The following APC2 variants were observed in gnomAD, a reference collection of about 807,000 sequenced individuals.
The protein encoded by APC2 is APC regulator of Wnt signaling pathway 2.
Under a neutral mutation model 72.5 loss-of-function variants are expected in APC2, and 41 were observed. The ratio of observed to expected loss-of-function variants is 0.57; its 90% CI spans 0.44 to 0.73. The LOEUF (loss-of-function observed/expected upper bound fraction) is 0.73, where lower values mean the gene tolerates loss of function less well. APC2 is among the 30% of genes least tolerant of loss of function. The pLI, the probability that APC2 is intolerant of heterozygous loss-of-function variation, is 0.00. For synonymous variants in APC2, 1,898 were observed against 1,612.0 expected, an observed-to-expected ratio of 1.18 and a Z score of -4.25; for missense variants, 3,729 against 3,403.4, an observed-to-expected ratio of 1.10 and a Z score of -2.38.
chr19:1,470,315 G>A lies in APC2; in HGVS notation c.*102G>A, dbSNP rs1229388688. The A allele has an allele frequency of 2.2e-6, 3 of 1,389,180 alleles. No homozygotes were observed. Among genetic ancestry groups the A allele is most frequent in the African/African-American group, 1.5e-5 (1 of 66,028 alleles). The allele number at this position is 1,389,180 out of a possible 1,614,324, so 86.1% of individuals were successfully genotyped here. ...AGACGTCCCCCATAGGTCGCCCCAG[G>A]GCCTCTGCCCACCCGAGCCCCACCA... On this transcript the variant is annotated 3_prime_UTR_variant, in exon 15 of 15. Coordinates refer to ENST00000590469, the MANE Select transcript of APC2 (RefSeq NM_005883.3).
rs1227832414 is a variant in APC2, at chr19:1,455,493, G to C, written c.632G>C (p.Arg211Pro). The C allele has an allele frequency of 1.2e-6, 2 of 1,600,742 alleles. No homozygotes were observed. Among genetic ancestry groups the C allele is most frequent in the Non-Finnish European group, 1.7e-6 (2 of 1,174,042 alleles). ...GGCACCTCGGACGAGATGGTGCAGCGGGCACAGGTGCGGCGGTGGGCGGGG... is the reference window on the plus strand; with the variant it reads ...GGCACCTCGGACGAGATGGTGCAGCCGGCACAGGTGCGGCGGTGGGCGGGG... ...RFGTSDEMVQ[R>P]AQIRASRLEQ... The change falls in exon 6 of 15, where the codon CGG becomes CCG. Residue 211 changes from arginine (R) to proline (P), a missense_variant. By Grantham distance (103) the Arg-to-Pro change is moderately radical. Transcript: ENST00000590469.
Position 1,461,083 on chromosome 19 carries a change from A to C in APC2, c.1568A>C (p.Asn523Thr). 2 of 1,613,822 alleles carry C rather than the reference A, an allele frequency of 1.2e-6. No homozygotes were observed. Among genetic ancestry groups the C allele is most frequent in the Non-Finnish European group, 1.7e-6 (2 of 1,180,030 alleles). ...AACTTGTCCTGGAGGGCCGACATCAACAGCAAGAAGGTGCTGAGGGAGGCG... is the reference window on the plus strand; with the variant it reads ...AACTTGTCCTGGAGGGCCGACATCACCAGCAAGAAGGTGCTGAGGGAGGCG... ...LRNLSWRADI[N>T]SKKVLREAGS... Residue 523 changes from asparagine to threonine, a missense_variant, in exon 13 of 15, where the codon AAC (asparagine) becomes ACC (threonine). Asn to Thr is a moderately conservative substitution (Grantham distance 65). Transcript: ENST00000590469.
rs778455711 is a variant in APC2 at position 1,468,975 on chromosome 19, C to T, written c.5674C>T (p.Pro1892Ser). The T allele has an allele frequency of 8.3e-6, 13 of 1,561,224 alleles. No individual in the cohort carries two copies. The African/African-American group carries it at 1.5e-4, about 18-fold the overall frequency. The stretch of plus-strand genomic sequence containing the variant: ...CCAGCCCCTGCCCAGAAAGCGCCCC[C>T]CGGTCACCCAGGCTGCTGGGGCCCT... ...ASQPLPRKRPPVTQAAGALPG... is the reference protein window; with the variant it reads ...ASQPLPRKRPSVTQAAGALPG... The change falls in exon 15 of 15, where the codon CCG becomes TCG. Residue 1892 changes from proline (P) to serine (S), a missense_variant. Transcript: ENST00000590469.
chr19:1,457,416 G>A (rs1359173974), intron 9 of APC2, 173 bp downstream of exon 9: 1 of 926,512 alleles, frequency 1.1e-6, no homozygotes, highest in Non-Finnish European at 1.5e-6. Flanking sequence ...GAAAAGACCC[G>A]CCCATGATCG....
Position 1,453,290 on chromosome 19 carries a change from G to T in APC2, c.185G>T (p.Arg62Leu). Residue 62 changes from arginine (R) to leucine (L), a missense_variant, in exon 3 of 15, where the codon CGA becomes CTA. Coordinates refer to ENST00000590469, the MANE Select transcript of APC2 (RefSeq NM_005883.3). ...CAGGGAAAACTGGAGCAGGAGGCCC[G>T]AGTGCTGGTGTCCTCGGGGCAGACG... ...HLQGKLEQEARVLVSSGQTEV... is the reference protein window; with the variant it reads ...HLQGKLEQEALVLVSSGQTEV... 6.3e-7 allele frequency: 1 copy of T among 1,582,738 alleles called. No homozygotes were observed. The highest frequency in any genetic ancestry group is 8.6e-7 in the Non-Finnish European group (1 of 1,164,284).
In APC2 at chr19:1,466,956, G is replaced by A. The variant is rs1375738294; in HGVS notation, c.3655G>A (p.Ala1219Thr). The part of the protein sequence containing the change: ...SRSKTPPLAP[A>T]PQGPPEATQF... ...GAGCAAGACGCCACCGCTGGCGCCC[G>A]CGCCACAGGGTCCCCCCGAGGCCAC... Residue 1219 changes from alanine (A) to threonine (T), a missense_variant, in exon 15 of 15, where the codon GCG becomes ACG. Coordinates refer to ENST00000590469, the MANE Select transcript of APC2 (RefSeq NM_005883.3). 1.1e-5 allele frequency: 18 copies of A among 1,603,748 alleles called. No individual in the cohort carries two copies. Among genetic ancestry groups the A allele is most frequent in the East Asian group, 2.2e-5 (1 of 44,578 alleles).
At chr19:1,460,464 C>A in intron 11 of APC2, 144 bp downstream of exon 11, 1 of 1,329,542 alleles carries the variant, frequency 7.5e-7, no homozygotes, top group Non-Finnish European at 1.0e-6. Context: ...GACTGAGGCC[C>A]AGAGAGTGCG....
In APC2 at chr19:1,460,917, C is replaced by G. The variant is rs1001542243; in HGVS notation, c.1521+60C>G. 5.6e-6 allele frequency: 9 copies of G among 1,600,264 alleles called. No homozygotes were observed. The African/African-American group carries it at 9.4e-5, about 17-fold the overall frequency. On this transcript the variant is annotated intron_variant, in intron 12 of 14. Transcript: ENST00000590469. ...TGTCCCTGATAGGCAGAGGCCCCTC[C>G]CCAGCGGTGTGGTGGGCTGGCAGGG...
chr19:1,470,339 C>T lies in APC2; in HGVS notation c.*126C>T. The T allele has an allele frequency of 3.1e-6, 4 of 1,294,084 alleles. No individual in the cohort carries two copies. Among genetic ancestry groups the T allele is most frequent in the Non-Finnish European group, 4.1e-6 (4 of 985,998 alleles). 80.2% of individuals were successfully genotyped at this position (1,294,084 alleles called of 1,614,324 possible). On this transcript the variant is annotated 3_prime_UTR_variant, in exon 15 of 15. Transcript: ENST00000590469. ...GGGCCTCTGCCCACCCGAGCCCCAC[C>T]ACTCTCAGAACCCCCGCCCAGCGCA...
Position 1,469,275 on chromosome 19 carries a change from C to T in APC2, c.5974C>T (p.Arg1992Trp). Residue 1992 changes from arginine (R) to tryptophan (W), a missense_variant, in exon 15 of 15, where the codon CGG becomes TGG. Physicochemically the swap from Arg to Trp is moderately radical, Grantham distance 101 (BLOSUM62 -3). Transcript: ENST00000590469. Reference protein sequence around the residue: ...GSESSDRSGFRRQLTFIKESP... With the variant: ...GSESSDRSGFWRQLTFIKESP... ...CGAGTCCTCCGACCGCTCGGGCTTC[C>T]GGCGACAGCTAACCTTCATCAAGGA... 7.0e-7 allele frequency: 1 copy of T among 1,425,826 alleles called. No homozygotes were observed. Among genetic ancestry groups the T allele is most frequent in the Non-Finnish European group, 9.2e-7 (1 of 1,087,612 alleles). The allele number at this position is 1,425,826 out of a possible 1,614,324, so 88.3% of individuals were successfully genotyped here. A position where few individuals can be genotyped will look rare whatever the true frequency, so the allele number is the denominator to read the frequency against.
At position 1,468,922 on chromosome 19, in the gene APC2, C is replaced by G. The variant is rs776624801; in HGVS notation, c.5621C>G (p.Ser1874Cys). ...GCCCGCCTCGCCAAGACCCCCTCCTCCAGCTCCTCCCAGACCTCGCCCGCC... is the reference window on the plus strand; with the variant it reads ...GCCCGCCTCGCCAAGACCCCCTCCTGCAGCTCCTCCCAGACCTCGCCCGCC... ...PPARLAKTPSSSSSQTSPASQ... is the reference protein window; with the variant it reads ...PPARLAKTPSCSSSQTSPASQ... The change falls in exon 15 of 15, where the codon TCC becomes TGC. Residue 1874 changes from serine (S) to cysteine (C), a missense_variant. Transcript: ENST00000590469. 6.5e-7 allele frequency: 1 copy of G among 1,534,998 alleles called. No homozygotes were observed. Among genetic ancestry groups the G allele is most frequent in the East Asian group, 2.5e-5 (1 of 40,682 alleles).
chr19:1,463,437 A>ACTAG (rs1568175954), intron 14 of APC2, among the ~76,000 whole-genome samples: 2 of 148,516 alleles, frequency 1.3e-5, no homozygotes, highest in African/African-American at 5.1e-5. Flanking sequence ...AAAAAAATTA[A>ACTAG]CCAGGTGTGG....
chr19:1,457,969 G>A lies in APC2; in HGVS notation c.1212G>A (p.Pro404=), dbSNP rs758297254. The A allele has an allele frequency of 1.0e-5, 16 of 1,552,466 alleles. No homozygotes were observed. The highest frequency in any genetic ancestry group is 1.8e-4 in the Middle Eastern group (1 of 5,698). The change falls in exon 10 of 15, where the codon CCG becomes CCA. Residue 404 remains proline (P), a synonymous_variant. Coordinates refer to ENST00000590469, the MANE Select transcript of APC2 (RefSeq NM_005883.3). ...GPEGGGAGSA[P]IPIEPQICQA... ...ATCTGGTCCCTGTGCCCACAGCCCC[G>A]ATCCCCATCGAGCCGCAGATCTGCC...
upstream of APC2, chr19:1,446,481 G>A: frequency 1.7e-6 from 1 of 604,844 alleles, no homozygotes; most frequent in Non-Finnish European, 2.1e-6. This position sits in a 1 kb window ranked among gnomAD's most constrained non-coding sequence, Gnocchi z 6.1. Context: ...CGGGGGTCTA[G>A]TGCCGTCGCC....
chr19:1,465,262 C>T lies in APC2; in HGVS notation c.1961C>T (p.Ala654Val). 6 of 1,607,360 alleles carry T rather than the reference C, an allele frequency of 3.7e-6. No homozygotes were observed. The highest frequency in any genetic ancestry group is 5.1e-6 in the Non-Finnish European group (6 of 1,179,260). ...NACGTLWNLS[A>V]RSARDQELLW... ...TGCGGCACGCTCTGGAACCTGTCGG[C>T]CCGCAGCGCCCGTGACCAGGAGCTG... Residue 654 changes from alanine to valine, a missense_variant, in exon 15 of 15, where the codon GCC becomes GTC. Ala to Val is a moderately conservative substitution (Grantham distance 64). Transcript: ENST00000590469.
At chr19:1,461,563 C>G (rs2083922683) in intron 13 of APC2, 1 of 310,900 alleles carries the variant, frequency 3.2e-6, no homozygotes, top group Non-Finnish European at 6.0e-6. Context: ...AAAAAAACAA[C>G]CTCACTGGGC....
Position 1,456,107 on chromosome 19 carries a change from A to G in APC2, c.671A>G (p.Lys224Arg). The G allele has an allele frequency of 3.1e-6, 5 of 1,591,224 alleles. No homozygotes were observed. The highest frequency in any genetic ancestry group is 4.3e-6 in the Non-Finnish European group (5 of 1,171,304). Reference sequence around the variant, plus strand: ...GCCTCGCGCCTGGAGCAGATTGACAAGGAGCTGCTGGAGGCGCAGGACCGA... The same window carrying G: ...GCCTCGCGCCTGGAGCAGATTGACAGGGAGCTGCTGGAGGCGCAGGACCGA... ...IRASRLEQID[K>R]ELLEAQDRVQ... is the part of the protein sequence containing the mutation. Residue 224 changes from lysine to arginine, a missense_variant, in exon 7 of 15, where the codon AAG becomes AGG. By Grantham distance (26) the Lys-to-Arg change is conservative. Coordinates refer to ENST00000590469, the MANE Select transcript of APC2 (RefSeq NM_005883.3).
At position 1,465,387 on chromosome 19, in the gene APC2, G is replaced by A. The variant is rs1319222379; in HGVS notation, c.2086G>A (p.Ala696Thr). ...GSAAALRNLL[A>T]HRPAKHQAAA... ...CGCCGCCGCCCTGCGCAACCTGCTGGCCCATCGGCCCGCCAAGCACCAGGC... is the reference window on the plus strand; with the variant it reads ...CGCCGCCGCCCTGCGCAACCTGCTGACCCATCGGCCCGCCAAGCACCAGGC... The change falls in exon 15 of 15, where the codon GCC becomes ACC. Residue 696 changes from alanine (A) to threonine (T), a missense_variant. By Grantham distance (58) the Ala-to-Thr change is moderately conservative (BLOSUM62 0). Coordinates refer to ENST00000590469, the MANE Select transcript of APC2 (RefSeq NM_005883.3). The A allele has an allele frequency of 6.4e-7, 1 of 1,570,204 alleles. No homozygotes were observed. The highest frequency in any genetic ancestry group is 1.8e-5 in the Admixed American group (1 of 56,540).
rs1360382902 is a variant in APC2 at position 1,466,847 on chromosome 19, T to C, written c.3546T>C (p.Ser1182=). The change falls in exon 15 of 15, where the codon AGT becomes AGC. Residue 1182 remains serine, a synonymous_variant. Coordinates refer to ENST00000590469, the MANE Select transcript of APC2 (RefSeq NM_005883.3). Reference sequence around the variant, plus strand: ...CGTCCATCGCCAGCTCCATCCCCAGTGAACCTTGCAGCGGGCAGGGCAGCG... The same window carrying C: ...CGTCCATCGCCAGCTCCATCCCCAGCGAACCTTGCAGCGGGCAGGGCAGCG... ...ESPSIASSIP[S]EPCSGQGSGT... is the part of the protein sequence containing the mutation. 6.4e-7 allele frequency: 1 copy of C among 1,560,094 alleles called. No individual in the cohort carries two copies. Among genetic ancestry groups the C allele is most frequent in the Non-Finnish European group, 8.7e-7 (1 of 1,153,354 alleles).
Sources: allele counts gnomAD v4.1 joint callset (sites outside exome capture counted in the v4.1 genomes callset), GRCh38; gene constraint gnomAD v4.1.1; non-coding constraint Gnocchi (gnomAD v3.1); transcripts MANE v1.5; gene names NCBI Gene and HGNC (gene_info 2026-07-23, HGNC 2026-07-21).